ADAMTSL3: variants seen among roughly 807,000 people sequenced by gnomAD.
ADAMTSL3 encodes ADAMTS-like protein 3.
ADAMTSL3 carries 128 observed loss-of-function variants against 201.7 expected under a neutral mutation model. That is an observed-to-expected ratio of 0.63 (90% CI 0.55 to 0.73). The LOEUF (loss-of-function observed/expected upper bound fraction) is 0.73. Among genes scored for constraint, ADAMTSL3 ranks in the 30% least tolerant of loss-of-function variants. The pLI, the probability that ADAMTSL3 is intolerant of heterozygous loss-of-function variation, is 0.00. For missense variants in ADAMTSL3, 1,990 were observed against 2,119.6 expected (o/e 0.94, Z 1.20); for synonymous variants, 738 against 748.4 (o/e 0.99, Z 0.23).
At chr15:83,990,936 C>T (rs759388203) in intron 22 of ADAMTSL3, 150 bp from the exon 23 acceptor site, 76 of 1,089,670 alleles carry the variant, frequency 7.0e-5, no homozygotes, top group Non-Finnish European at 9.4e-5. Context: ...TGTATGTGCA[C>T]ATCCCCACGG....
intron 17 of ADAMTSL3, among the ~76,000 whole-genome samples, chr15:83,931,668 C>G (rs1003661576): frequency 2.0e-5 from 3 of 151,986 alleles, no homozygotes; most frequent in Non-Finnish European, 4.4e-5. Flanking sequence ...AAATACAGAT[C>G]AATGGTAGAT....
At chr15:83,899,261 C>T (rs1370458011) in intron 14 of ADAMTSL3, among the ~76,000 whole-genome samples, 1 of 152,132 alleles carries the variant, frequency 6.6e-6, no homozygotes, top group Non-Finnish European at 1.5e-5. Context: ...TTGCCTTTCT[C>T]TATTAATGTT....
intron 3 of ADAMTSL3, among the ~76,000 whole-genome samples, chr15:83,748,560 G>A (rs1274168240): frequency 1.4e-5 from 2 of 144,748 alleles, no homozygotes; most frequent in Admixed American, 7.1e-5. Flanking sequence ...TGAAGTGGGA[G>A]AATCACTTTA....
Position 84,014,953 on chromosome 15 carries a change from ATT to A in ADAMTSL3, c.4156+240_4156+241del, listed in dbSNP as rs11336214. On this transcript the variant is annotated intron_variant, in intron 24 of 29. Transcript: ENST00000286744. ...TAGTGTTTGTGTGTGTGTGTGTGTG[ATT>A]TTTTTTTTTTAAACGGAGTCTTGCT... Among the ~76,000 whole-genome samples the A allele has an allele frequency of 2.8e-3, 415 of 150,138 alleles. 1 individual carries two copies. Among genetic ancestry groups the A allele is most frequent in the Non-Finnish European group, 4.7e-3 (314 of 67,468 alleles).
At chr15:84,002,473 C>T (rs1218137886) in intron 23 of ADAMTSL3, among the ~76,000 whole-genome samples, 2 of 152,186 alleles carry the variant, frequency 1.3e-5, no homozygotes, top group African/African-American at 4.8e-5. Context: ...TTTAACCTAT[C>T]ACATGGTAAC....
chr15:83,787,605 G>T (rs2063285178), intron 4 of ADAMTSL3, among the ~76,000 whole-genome samples: 1 of 152,120 alleles, frequency 6.6e-6, no homozygotes, highest in African/African-American at 2.4e-5. Flanking sequence ...ACAGCCTCTT[G>T]ATTCCCTTCC....
At chr15:83,751,614 A>AC (rs2062637971) in intron 3 of ADAMTSL3, among the ~76,000 whole-genome samples, 1 of 152,138 alleles carries the variant, frequency 6.6e-6, no homozygotes, top group East Asian at 1.9e-4. Context: ...AGGAAATTCG[A>AC]TGTATATGGT....
intron 20 of ADAMTSL3, among the ~76,000 whole-genome samples, chr15:83,979,311 C>T (rs1400518527): frequency 2.0e-5 from 3 of 152,154 alleles, no homozygotes; most frequent in East Asian, 3.9e-4. Context: ...GTTACAAAAC[C>T]ATCCATGTGC....
At chr15:83,996,730 G>A (rs2141848694) in intron 23 of ADAMTSL3, among the ~76,000 whole-genome samples, 1 of 124,754 alleles carries the variant, frequency 8.0e-6, no homozygotes, top group Non-Finnish European at 1.6e-5. Flanking sequence ...GCAGTGAGCA[G>A]AGATTGCACC....
intron 3 of ADAMTSL3, among the ~76,000 whole-genome samples, chr15:83,765,450 T>A (rs1344843644): frequency 6.6e-6 from 1 of 152,200 alleles, no homozygotes; most frequent in Non-Finnish European, 1.5e-5. Context: ...ATATAGCATT[T>A]CCAATAAGTG....
chr15:83,821,576 C>T (rs1176740675), intron 6 of ADAMTSL3, among the ~76,000 whole-genome samples: 3 of 151,050 alleles, frequency 2.0e-5, no homozygotes, highest in Non-Finnish European at 4.4e-5. Context: ...CACAGATCAA[C>T]AGGATCCCAA....
At chr15:83,730,621 A>AT (rs1331777838) in intron 3 of ADAMTSL3, among the ~76,000 whole-genome samples, 1 of 120,082 alleles carries the variant, frequency 8.3e-6, no homozygotes, top group Non-Finnish European at 1.7e-5. Flanking sequence ...TTAGAATCAT[A>AT]ATTTTTTTTT....
chr15:83,941,165 T>G (rs904693469), intron 17 of ADAMTSL3, among the ~76,000 whole-genome samples: 1 of 151,994 alleles, frequency 6.6e-6, no homozygotes, highest in African/African-American at 2.4e-5. Flanking sequence ...CTTGTATGAT[T>G]ATATCTTCAT....
At chr15:84,033,847 G>A (rs920502761) in intron 28 of ADAMTSL3, among the ~76,000 whole-genome samples, 1 of 152,048 alleles carries the variant, frequency 6.6e-6, no homozygotes, top group Admixed American at 6.5e-5. Context: ...AATGTAATAC[G>A]GAAGATAAAG....
chr15:83,817,605 T>C (rs1016126631), intron 5 of ADAMTSL3, among the ~76,000 whole-genome samples: 1 of 151,842 alleles, frequency 6.6e-6, no homozygotes, highest in African/African-American at 2.4e-5. Flanking sequence ...TGACAAAGAG[T>C]TGATAATTTC....
chr15:83,742,095 A>G (rs988904154), intron 3 of ADAMTSL3, among the ~76,000 whole-genome samples: 1 of 152,254 alleles, frequency 6.6e-6, no homozygotes, highest in South Asian at 2.1e-4. Flanking sequence ...TTAATTCACA[A>G]GGAAAAGTCA....
chr15:83,924,825 G>A (rs2066218863), intron 17 of ADAMTSL3, among the ~76,000 whole-genome samples: 1 of 151,954 alleles, frequency 6.6e-6, no homozygotes, highest in Admixed American at 6.6e-5. Context: ...CCTCTTCTGC[G>A]AGAAGAATTA....
In ADAMTSL3 at chr15:83,701,516, T is replaced by C. The variant is rs116081685; in HGVS notation, c.70-2873T>C. Among the ~76,000 whole-genome samples, 460 of 152,316 alleles carry C rather than the reference T, an allele frequency of 3.0e-3. 5 individuals carry two copies. Among genetic ancestry groups the C allele is most frequent in the African/African-American group, 0.011 (445 of 41,574 alleles). The stretch of plus-strand genomic sequence containing the variant: ...GTCCCCACCCAAATCTCATCTTCAA[T>C]TGTGCTCTCATAATTCCCACATGCT... On this transcript the variant is annotated intron_variant, in intron 2 of 29. Coordinates refer to ENST00000286744, the MANE Select transcript of ADAMTSL3 (RefSeq NM_207517.3).
Position 83,983,121 on chromosome 15 carries a change from A to G in ADAMTSL3, c.3493A>G (p.Lys1165Glu), listed in dbSNP as rs767933665. The change falls in exon 21 of 30, where the codon AAA (lysine) becomes GAA (glutamate). Residue 1165 changes from lysine (K) to glutamate (E), a missense_variant. By Grantham distance (56) the Lys-to-Glu change is moderately conservative (BLOSUM62 1). Transcript: ENST00000286744. ...TGSVSQSSHA[K>E]NSGKLTFKPK... ...GAGTGTGTCCCAAAGCTCGCATGCA[A>G]AAAACTCAGGCAAGCTGACATTCAA... is the stretch of plus-strand genomic sequence containing the variant. 6.2e-7 allele frequency: 1 copy of G among 1,614,100 alleles called. No individual in the cohort carries two copies. The highest frequency in any genetic ancestry group is 1.1e-5 in the South Asian group (1 of 91,046).
Sources: allele counts gnomAD v4.1 joint callset (sites outside exome capture counted in the v4.1 genomes callset), GRCh38; gene constraint gnomAD v4.1.1; transcripts MANE v1.5; gene names NCBI Gene and HGNC (gene_info 2026-07-23, HGNC 2026-07-21).